Variants in PALB2 observed in about 807,000 individuals in gnomAD.
PALB2 encodes mutant partner and localizer of BRCA2.
PALB2 carries 82 observed loss-of-function variants against 107.4 expected under a neutral mutation model. The observed-to-expected ratio is 0.76, with a 90% CI of 0.64 to 0.92. The LOEUF (loss-of-function observed/expected upper bound fraction) is 0.92. Among genes scored for constraint, PALB2 ranks in the 40% least tolerant of loss-of-function variants. PALB2 has a pLI of 0.00. For synonymous variants in PALB2, 489 were observed against 496.8 expected (o/e 0.98, Z 0.21); for missense variants, 1,374 against 1,379.9 (o/e 1.00, Z 0.07).
intron 12 of PALB2, among the ~76,000 whole-genome samples, chr16:23,607,108 A>G (rs1185981076): frequency 6.6e-6 from 1 of 152,110 alleles, no homozygotes; most frequent in African/African-American, 2.4e-5. Flanking sequence ...GCCTGGCCAG[A>G]TAAATACTTA....
At position 23,629,911 on chromosome 16, in the gene PALB2, G is replaced by C. The variant is rs762533408; in HGVS notation, c.2243C>G (p.Thr748Arg). 1 of 1,614,192 alleles carries C rather than the reference G, an allele frequency of 6.2e-7. No homozygotes were observed. The highest frequency in any genetic ancestry group is 2.2e-5 in the East Asian group (1 of 44,890). Residue 748 changes from threonine (T) to arginine (R), a missense_variant, in exon 5 of 13, where the codon ACA (threonine) becomes AGA (arginine). Thr to Arg is a moderately conservative substitution (Grantham distance 71). Transcript: ENST00000261584. ...GPQGSYEKAS[T>R]EVAGRTCCTP... ...GCAGCAAGTTCGTCCAGCAACTTCT[G>C]TAGATGCTTTTTCATAGGAGCCTTG...
At chr16:23,632,434 A>T (rs1317444234) in intron 4 of PALB2, among the ~76,000 whole-genome samples, 1 of 152,040 alleles carries the variant, frequency 6.6e-6, no homozygotes, top group East Asian at 1.9e-4. Flanking sequence ...ACAGAGTGAC[A>T]CTCCATCTCA....
chr16:23,640,596 C>G (rs1967202350), intron 1 of PALB2: 1 of 233,112 alleles, frequency 4.3e-6, no homozygotes, highest in South Asian at 1.8e-4. Context: ...AAAAAGAAAG[C>G]AAGGTAGATA....
chr16:23,610,978 G>GCAGTGAGC, intron 11 of PALB2, among the ~76,000 whole-genome samples: 1 of 152,072 alleles, frequency 6.6e-6, no homozygotes, highest in Middle Eastern at 3.4e-3. Flanking sequence ...GGCGGAGGTT[G>GCAGTGAGC]CAGTGAGCCG....
intron 10 of PALB2, among the ~76,000 whole-genome samples, chr16:23,616,215 T>C (rs778912948): frequency 6.6e-6 from 1 of 151,956 alleles, no homozygotes; most frequent in Non-Finnish European, 1.5e-5. Context: ...CCAAGCTGCA[T>C]GAACTCACTT....
At position 23,641,282 on chromosome 16, in the gene PALB2, C is replaced by G; in HGVS notation, c.-125G>C. 2 of 1,283,558 alleles carry G rather than the reference C, an allele frequency of 1.6e-6. No homozygotes were observed. Among genetic ancestry groups the G allele is most frequent in the Non-Finnish European group, 1.1e-6 (1 of 913,180 alleles). The allele number at this position is 1,283,558 out of a possible 1,614,324, so 79.5% of individuals were successfully genotyped here. A position where few individuals can be genotyped will look rare whatever the true frequency, so the allele number is the denominator to read the frequency against. On this transcript the variant is annotated 5_prime_UTR_variant, in exon 1 of 13. Coordinates refer to ENST00000261584, the MANE Select transcript of PALB2 (RefSeq NM_024675.4). ...AATGGGGAGCCCGGGATCGCACCCT[C>G]AGTGCGCGATCAGCTGACCCACGCG...
intron 4 of PALB2, among the ~76,000 whole-genome samples, chr16:23,634,186 T>A (rs916407455): frequency 2.0e-5 from 3 of 152,250 alleles, no homozygotes; most frequent in Admixed American, 2.0e-4. Flanking sequence ...TCTGGCACCA[T>A]ACCGCCAGGT....
rs2142388635 is a variant in PALB2 at position 23,630,341 on chromosome 16, A to C, written c.1813T>G (p.Ser605Ala). 6.2e-7 allele frequency: 1 copy of C among 1,614,200 alleles called. No individual in the cohort carries two copies. Among genetic ancestry groups the C allele is most frequent in the Non-Finnish European group, 8.5e-7 (1 of 1,180,018 alleles). The change falls in exon 5 of 13, where the codon TCT becomes GCT. Residue 605 changes from serine to alanine, a missense_variant. Ser to Ala is a moderately conservative substitution (Grantham distance 99). Transcript: ENST00000261584. ...TGAAAGTCTGTGATACTGAGAAAAG[A>C]CAGTAGTTGCTTTAAACTCAGCATT... ...DGMLSLKQLL[S>A]FLSITDFQLP...
chr16:23,622,636 C>A (rs1351563570), intron 9 of PALB2, among the ~76,000 whole-genome samples: 1 of 152,206 alleles, frequency 6.6e-6, no homozygotes, highest in Non-Finnish European at 1.5e-5. Flanking sequence ...GCTCAAACTT[C>A]TGCCTTGGCC....
At chr16:23,619,394 C>T (rs551402034) in intron 10 of PALB2, among the ~76,000 whole-genome samples, 1 of 152,194 alleles carries the variant, frequency 6.6e-6, no homozygotes, top group East Asian at 1.9e-4. Flanking sequence ...GTCACTCAGG[C>T]TAGAGTGCAG....
chr16:23,638,310 G>A, intron 1 of PALB2, 181 bp from the exon 2 acceptor site: 1 of 647,756 alleles, frequency 1.5e-6, no homozygotes, highest in South Asian at 1.7e-5. Flanking sequence ...TGCATAACCT[G>A]TTCCTATCAT....
Position 23,635,480 on chromosome 16 carries a change from T to C in PALB2, c.1066A>G (p.Lys356Glu), listed in dbSNP as rs1202130508. 2 of 1,614,038 alleles carry C rather than the reference T, an allele frequency of 1.2e-6. No homozygotes were observed. ...KEQNQTEKSLKSPSDTLDGRN... is the reference protein window; with the variant it reads ...KEQNQTEKSLESPSDTLDGRN... Reference sequence around the variant, plus strand: ...CCATCAAGAGTGTCACTGGGAGATTTTAAAGATTTCTCTGTTTGATTTTGT... The same window carrying C: ...CCATCAAGAGTGTCACTGGGAGATTCTAAAGATTTCTCTGTTTGATTTTGT... Residue 356 changes from lysine to glutamate, a missense_variant, in exon 4 of 13, where the codon AAA becomes GAA. Coordinates refer to ENST00000261584, the MANE Select transcript of PALB2 (RefSeq NM_024675.4).
chr16:23,625,876 G>A (rs1181717824), intron 7 of PALB2, among the ~76,000 whole-genome samples: 2 of 151,856 alleles, frequency 1.3e-5, no homozygotes, highest in East Asian at 3.9e-4. Context: ...AGCTACTTGG[G>A]AGGGTGAGGT....
rs587778588 is a variant in PALB2 at position 23,623,119 on chromosome 16, C to T, written c.2846G>A (p.Cys949Tyr). ...LEIREIRALF[C>Y]SSDDESEKQV... ...CTTTTCACTTTCATCATCAGAGGAA[C>T]AAAACAATGCCCTAAGCCAAATATA... Residue 949 changes from cysteine (C) to tyrosine (Y), a missense_variant, in exon 9 of 13, where the codon TGT (cysteine) becomes TAT (tyrosine). Physicochemically the swap from Cys to Tyr is radical, Grantham distance 194. Coordinates refer to ENST00000261584, the MANE Select transcript of PALB2 (RefSeq NM_024675.4). 2.5e-6 allele frequency: 4 copies of T among 1,607,130 alleles called. No individual in the cohort carries two copies. In the African/African-American group the frequency reaches 4.1e-5, roughly 16 times the overall value.
Position 23,632,880 on chromosome 16 carries a change from G to A in PALB2, c.1684+1982C>T, listed in dbSNP as rs555765913. Among the ~76,000 whole-genome samples the A allele has an allele frequency of 1.1e-4, 17 of 152,282 alleles. No individual in the cohort carries two copies. In the East Asian group the frequency reaches 3.1e-3, roughly 28 times the overall value. ...AGGCCGAGGTGGGTAGATCACCTGA[G>A]GTCAGGAGATAGAGACCAGCCTGGC... is the stretch of plus-strand genomic sequence containing the variant. On this transcript the variant is annotated intron_variant, in intron 4 of 12. Coordinates refer to ENST00000261584, the MANE Select transcript of PALB2 (RefSeq NM_024675.4).
intron 10 of PALB2, among the ~76,000 whole-genome samples, chr16:23,614,810 C>T (rs548366491): frequency 1.7e-4 from 26 of 151,192 alleles, no homozygotes; most frequent in African/African-American, 5.6e-4. Context: ...GCCACTACGC[C>T]CGGCTAATTT....
rs748363227 is a variant in PALB2, at chr16:23,603,588, G to T, written c.3432C>A (p.Leu1144=). The change falls in exon 13 of 13, where the codon CTC becomes CTA. Residue 1144 remains leucine (L), a synonymous_variant. Coordinates refer to ENST00000261584, the MANE Select transcript of PALB2 (RefSeq NM_024675.4). ...SGTIAIWDLL[L]GQCTALLPPV... ...GTGGGAGGAGGGCAGTACACTGACC[G>T]AGAAGTAAGTCCCAAATGGCAATTG... 6.2e-7 allele frequency: 1 copy of T among 1,614,090 alleles called. No homozygotes were observed. Among genetic ancestry groups the T allele is most frequent in the Non-Finnish European group, 8.5e-7 (1 of 1,180,010 alleles).
chr16:23,639,544 G>A lies in PALB2; in HGVS notation c.49-1415C>T, dbSNP rs915543546. Among the ~76,000 whole-genome samples the A allele has an allele frequency of 3.4e-5, 5 of 149,136 alleles. No individual in the cohort carries two copies. The Admixed American group carries it at 3.4e-4, about 10-fold the overall frequency. ...AAAAAAAAAAAAAAAAAAAGGCCGG[G>A]TGCAGTGGCTCACACCTGTAATCCC... On this transcript the variant is annotated intron_variant, in intron 1 of 12. Transcript: ENST00000261584.
rs546296635 is a variant in PALB2 at position 23,620,919 on chromosome 16, C to CA, written c.3113+442dup. 6.2e-4 allele frequency among the ~76,000 whole-genome samples: 94 copies of CA among 152,224 alleles called. 3 individuals are homozygous for CA. The South Asian group carries it at 0.019, about 31-fold the overall frequency. ...AAAATCCCTTCTCTACTAAAAAATACAAAAATTAGCCAGGCACGGTGGCTC... is the reference window on the plus strand; with the variant it reads ...AAAATCCCTTCTCTACTAAAAAATACAAAAAATTAGCCAGGCACGGTGGCTC... On this transcript the variant is annotated intron_variant, in intron 10 of 12. Transcript: ENST00000261584.
Sources: gnomAD v4.1 joint callset for allele counts (sites outside exome capture counted in the v4.1 genomes callset) on GRCh38, gnomAD v4.1.1 for gene constraint, MANE v1.5 for transcripts, NCBI Gene and HGNC (gene_info 2026-07-23, HGNC 2026-07-21) for gene names.